The following MOGAT1 variants were observed in gnomAD, a reference collection of about 807,000 sequenced individuals.
The protein encoded by MOGAT1 is 2-acylglycerol O-acyltransferase 1.
In MOGAT1, 32 loss-of-function variants were observed where a neutral mutation model predicts 31.4. That is an observed-to-expected ratio of 1.02 (90% CI 0.77 to 1.37). MOGAT1 has a LOEUF of 1.37. Ranked by LOEUF, MOGAT1 falls within the 40% of genes most tolerant of loss-of-function variation. The pLI is 0.00. For synonymous variants in MOGAT1, 145 were observed against 144.5 expected (o/e 1.00, Z -0.03); for missense variants, 426 against 402.0 (o/e 1.06, Z -0.51).
At chr2:222,692,957 G>T (rs1402643935) in intron 3 of MOGAT1, among the ~76,000 whole-genome samples, 1 of 152,166 alleles carries the variant, frequency 6.6e-6, no homozygotes, top group African/African-American at 2.4e-5. Context: ...AACCCATCTA[G>T]GCAGGCTCAG....
intron 5 of MOGAT1, among the ~76,000 whole-genome samples, chr2:222,701,487 A>AC (rs1491191403): frequency 1.4e-5 from 2 of 144,888 alleles, no homozygotes; most frequent in East Asian, 4.0e-4. Flanking sequence ...AAAGAAAGAA[A>AC]GAGAGAGTGG....
chr2:222,674,464 T>G (rs1452269519), intron 1 of MOGAT1, among the ~76,000 whole-genome samples: 1 of 152,228 alleles, frequency 6.6e-6, no homozygotes, highest in African/African-American at 2.4e-5. Flanking sequence ...GTATAATTTT[T>G]TTTTAAGTTT....
chr2:222,694,268 G>C, intron 3 of MOGAT1, 94 bp from the exon 4 acceptor site: 1 of 1,214,630 alleles, frequency 8.2e-7, no homozygotes, highest in Non-Finnish European at 1.1e-6. Flanking sequence ...AGGAAATTTT[G>C]TTAAATGTTT....
At chr2:222,682,962 G>C (rs1692605713) in intron 1 of MOGAT1, among the ~76,000 whole-genome samples, 1 of 152,176 alleles carries the variant, frequency 6.6e-6, no homozygotes, top group Non-Finnish European at 1.5e-5. Flanking sequence ...CCAGCACTTT[G>C]GAAGACCGAG....
At chr2:222,684,369 G>A (rs1057443408) in intron 1 of MOGAT1, among the ~76,000 whole-genome samples, 6 of 151,698 alleles carry the variant, frequency 4.0e-5, no homozygotes, top group African/African-American at 1.5e-4. Flanking sequence ...TCATGTCATC[G>A]CACTCCAGCC....
rs374070434 is a variant in MOGAT1 at position 222,688,373 on chromosome 2, C to T, written c.124C>T (p.Leu42=). The T allele has an allele frequency of 6.2e-7, 1 of 1,612,138 alleles. No individual in the cohort carries two copies. The highest frequency in any genetic ancestry group is 8.5e-7 in the Non-Finnish European group (1 of 1,179,066). ...GPMSIGITVM[L]IIHNYLFLYI... ...GATGTCCATTGGAATCACTGTGATGCTGATCATACACAACTATTTGTTCCT... is the reference window on the plus strand; with the variant it reads ...GATGTCCATTGGAATCACTGTGATGTTGATCATACACAACTATTTGTTCCT... The change falls in exon 2 of 6, where the codon CTG becomes TTG. Residue 42 remains leucine, a synonymous_variant. Coordinates refer to ENST00000446656, the MANE Select transcript of MOGAT1 (RefSeq NM_058165.3).
chr2:222,673,333 A>AACAAAC (rs993415942), intron 1 of MOGAT1, among the ~76,000 whole-genome samples: 1 of 150,768 alleles, frequency 6.6e-6, no homozygotes, highest in African/African-American at 2.4e-5. Context: ...GAATTTACCA[A>AACAAAC]AAAAAAAAAA....
intron 1 of MOGAT1, among the ~76,000 whole-genome samples, chr2:222,674,424 A>G (rs2395896): frequency 0.05 from 7,632 of 152,300 alleles, 351 homozygotes; most frequent in African/African-American, 0.12. Flanking sequence ...ATTATTTTGC[A>G]AAAATATTTT....
chr2:222,683,649 A>G (rs1692619967), intron 1 of MOGAT1, among the ~76,000 whole-genome samples: 1 of 151,830 alleles, frequency 6.6e-6, no homozygotes, highest in Admixed American at 6.6e-5. Context: ...AATCACTTGA[A>G]CTCGGGAGGT....
chr2:222,695,288 G>A lies in MOGAT1; in HGVS notation c.853G>A (p.Val285Ile). Residue 285 changes from valine (V) to isoleucine (I), a missense_variant and splice_region_variant, in exon 5 of 6, where the codon GTT becomes ATT. Transcript: ENST00000446656. ...MTYRKAIHTVVGRPIPVRQTL... is the reference protein window; with the variant it reads ...MTYRKAIHTVIGRPIPVRQTL... ...CTATAGGAAAGCCATCCACACTGTTGGTATGTACATAAAATAACTACAACT... is the reference window on the plus strand; with the variant it reads ...CTATAGGAAAGCCATCCACACTGTTAGTATGTACATAAAATAACTACAACT... The A allele has an allele frequency of 3.1e-6, 5 of 1,594,310 alleles. No individual in the cohort carries two copies. Among genetic ancestry groups the A allele is most frequent in the Non-Finnish European group, 4.3e-6 (5 of 1,166,810 alleles).
chr2:222,701,714 G>C (rs1692933130), intron 5 of MOGAT1, among the ~76,000 whole-genome samples: 1 of 149,972 alleles, frequency 6.7e-6, no homozygotes, highest in Admixed American at 6.6e-5. Flanking sequence ...AAAGGAGGGG[G>C]TTCTTTCCAT....
At chr2:222,684,411 A>C (rs768974578) in intron 1 of MOGAT1, among the ~76,000 whole-genome samples, 1 of 152,188 alleles carries the variant, frequency 6.6e-6, no homozygotes, top group Non-Finnish European at 1.5e-5. Flanking sequence ...GTCTCAAAAA[A>C]AAAAAGAAAG....
intron 5 of MOGAT1, among the ~76,000 whole-genome samples, chr2:222,703,727 C>G (rs986222026): frequency 6.6e-6 from 1 of 152,140 alleles, no homozygotes; most frequent in Non-Finnish European, 1.5e-5. Context: ...TGTTTTTTCT[C>G]TAATATACAG....
At chr2:222,682,454 T>C (rs1297774874) in intron 1 of MOGAT1, among the ~76,000 whole-genome samples, 2 of 152,236 alleles carry the variant, frequency 1.3e-5, no homozygotes, top group African/African-American at 4.8e-5. Context: ...AAGCCAGTTA[T>C]CTTGTAGAGT....
intron 1 of MOGAT1, among the ~76,000 whole-genome samples, chr2:222,684,256 T>C (rs1239398899): frequency 6.6e-6 from 1 of 151,814 alleles, no homozygotes; most frequent in East Asian, 2.0e-4. Context: ...CTACAAAAAT[T>C]AGCTGGGCAT....
chr2:222,707,589 G>A (rs903167176), intron 5 of MOGAT1, among the ~76,000 whole-genome samples: 2 of 152,114 alleles, frequency 1.3e-5, no homozygotes, highest in African/African-American at 4.8e-5. Flanking sequence ...ATTGGCCTCT[G>A]CTAGTCCATA....
chr2:222,695,085 G>A lies in MOGAT1; in HGVS notation c.654-4G>A. Reference sequence around the variant, plus strand: ...ATTCTCACCCGTCCCCTTTGTTATTGCAGCGCCTCTCTGGTCCCAGTGGTT... The same window carrying A: ...ATTCTCACCCGTCCCCTTTGTTATTACAGCGCCTCTCTGGTCCCAGTGGTT... On this transcript the variant is annotated splice_polypyrimidine_tract_variant and splice_region_variant and intron_variant, in intron 4 of 5. Transcript: ENST00000446656. 3.8e-6 allele frequency: 6 copies of A among 1,580,760 alleles called. No individual in the cohort carries two copies. The highest frequency in any genetic ancestry group is 1.4e-5 in the African/African-American group (1 of 73,370).
In MOGAT1 at chr2:222,680,998, G is replaced by A. The variant is rs564700731; in HGVS notation, c.95-7346G>A. Among the ~76,000 whole-genome samples the A allele has an allele frequency of 3.3e-5, 5 of 152,304 alleles. No individual in the cohort carries two copies. The East Asian group carries it at 7.7e-4, about 23-fold the overall frequency. On this transcript the variant is annotated intron_variant, in intron 1 of 5. Transcript: ENST00000446656. The stretch of plus-strand genomic sequence containing the variant: ...ATGGAGTCAGAAAGGGTAGCGACAA[G>A]AGAGGGAAAATCATTAATGTATGGG...
chr2:222,694,100 C>T (rs1692806110), intron 3 of MOGAT1, among the ~76,000 whole-genome samples: 1 of 152,054 alleles, frequency 6.6e-6, no homozygotes, highest in Non-Finnish European at 1.5e-5. Flanking sequence ...GCACAACCTA[C>T]CTAAACAAAC....
Sources: gnomAD v4.1 joint callset for allele counts (sites outside exome capture counted in the v4.1 genomes callset) on GRCh38, gnomAD v4.1.1 for gene constraint, MANE v1.5 for transcripts, NCBI Gene and HGNC (gene_info 2026-07-23, HGNC 2026-07-21) for gene names.